PDE8B: variants seen among roughly 807,000 people sequenced by gnomAD.
The protein encoded by PDE8B is phosphodiesterase 8B, also known as high affinity cAMP-specific and IBMX-insensitive 3',5'-cyclic phosphodiesterase 8B.
Under a neutral mutation model 101.3 loss-of-function variants are expected in PDE8B, and 26 were observed. That is an observed-to-expected ratio of 0.26 (90% CI 0.19 to 0.36). The LOEUF (loss-of-function observed/expected upper bound fraction) is 0.36. Among genes scored for constraint, PDE8B ranks in the 10% least tolerant of loss-of-function variants. The pLI is 1.00. For missense variants in PDE8B, 810 were observed against 1,163.1 expected, an observed-to-expected ratio of 0.70 and a Z score of 4.42; for synonymous variants, 424 against 429.3, an observed-to-expected ratio of 0.99 and a Z score of 0.15.
At chr5:77,214,501 G>A (rs1289633017) in intron 1 of PDE8B, among the ~76,000 whole-genome samples, 2 of 152,292 alleles carry the variant, frequency 1.3e-5, no homozygotes, top group African/African-American at 4.8e-5. Context: ...AGCCTAATGA[G>A]GAGGATAAAT....
Position 77,226,596 on chromosome 5 carries a change from C to A in PDE8B, c.339+15332C>A, listed in dbSNP as rs184585787. On this transcript the variant is annotated intron_variant, in intron 1 of 21. Coordinates refer to ENST00000264917, the MANE Select transcript of PDE8B (RefSeq NM_003719.5). ...TATCATACAGTCTAATTTTTTAGTA[C>A]AATAGTGACATAATGTTTTCCAGAA... Among the ~76,000 whole-genome samples, 198 of 152,236 alleles carry A rather than the reference C, an allele frequency of 1.3e-3. 2 individuals carry two copies. The highest frequency in any genetic ancestry group is 4.5e-3 in the African/African-American group (188 of 41,528).
the PDE8B span, among the ~76,000 whole-genome samples, chr5:77,093,274 G>C: frequency 6.6e-6 from 1 of 152,144 alleles, no homozygotes; most frequent in African/African-American, 2.4e-5. Flanking sequence ...TTATATGTCT[G>C]TTCAGATTGT....
At chr5:77,102,246 A>G in the PDE8B span, among the ~76,000 whole-genome samples, 3 of 152,058 alleles carry the variant, frequency 2.0e-5, no homozygotes, top group East Asian at 3.9e-4. Context: ...AAATGGGGTC[A>G]TTTGCACCAG....
At chr5:77,197,097 C>G in the PDE8B span, among the ~76,000 whole-genome samples, 2 of 143,414 alleles carry the variant, frequency 1.4e-5, no homozygotes, top group Admixed American at 1.5e-4. Context: ...TTGTACTGAC[C>G]TTTAAAAAAA....
chr5:77,256,036 A>G (rs1759093696), intron 1 of PDE8B, among the ~76,000 whole-genome samples: 1 of 152,144 alleles, frequency 6.6e-6, no homozygotes, highest in Non-Finnish European at 1.5e-5. Flanking sequence ...GTTGATTTAT[A>G]TGGTTTTGGA....
chr5:77,098,185 C>G, the PDE8B span, among the ~76,000 whole-genome samples: 1 of 151,726 alleles, frequency 6.6e-6, no homozygotes, highest in African/African-American at 2.4e-5. Context: ...CAAATAATGT[C>G]TTCATTTTAT....
At chr5:77,195,317 G>A in the PDE8B span, among the ~76,000 whole-genome samples, 14 of 152,118 alleles carry the variant, frequency 9.2e-5, no homozygotes, top group South Asian at 4.2e-4. Flanking sequence ...TAGGCCCCCC[G>A]CCAATACAGT....
the PDE8B span, among the ~76,000 whole-genome samples, chr5:77,119,872 T>C: frequency 6.6e-6 from 1 of 151,854 alleles, no homozygotes; most frequent in Non-Finnish European, 1.5e-5. Context: ...TAGCCAGGCA[T>C]GGTGGCACAC....
intron 10 of PDE8B, among the ~76,000 whole-genome samples, chr5:77,395,055 G>A (rs1477177497): frequency 6.6e-6 from 1 of 152,118 alleles, no homozygotes; most frequent in Non-Finnish European, 1.5e-5. Context: ...GCTCACCATG[G>A]TCCATCCAGC....
rs955296324 is a variant in PDE8B at position 77,309,943 on chromosome 5, CTT to C, written c.340-2029_340-2028del. Reference sequence around the variant, plus strand: ...CTGGTTTCCCTTTTTAATCATTAATCTTTTTTTTTTTTTTTTTTTTTTTGAGA... The same window carrying C: ...CTGGTTTCCCTTTTTAATCATTAATCTTTTTTTTTTTTTTTTTTTTTGAGA... On this transcript the variant is annotated intron_variant, in intron 1 of 21. Transcript: ENST00000264917. Among the ~76,000 whole-genome samples, 853 of 113,948 alleles carry C rather than the reference CTT, an allele frequency of 7.5e-3. 7 individuals carry two copies. Among genetic ancestry groups the C allele is most frequent in the African/African-American group, 0.025 (752 of 30,212 alleles). The allele number at this position is 113,948 out of a possible 152,430, so 74.8% of individuals were successfully genotyped here.
chr5:77,166,370 T>C, the PDE8B span, among the ~76,000 whole-genome samples: 1 of 152,248 alleles, frequency 6.6e-6, no homozygotes. Context: ...GAGAAGGGCC[T>C]GAGGTCTAGG....
At chr5:77,353,809 T>C (rs1467547809) in intron 10 of PDE8B, among the ~76,000 whole-genome samples, 1 of 152,208 alleles carries the variant, frequency 6.6e-6, no homozygotes, top group South Asian at 2.1e-4. Context: ...TGCAATTTTT[T>C]CTTACCCTTA....
chr5:77,151,418 G>C, the PDE8B span: 1 of 152,306 alleles, frequency 6.6e-6, no homozygotes, highest in East Asian at 1.9e-4. Context: ...TTATACAACT[G>C]ACATTCCCTA....
intron 1 of PDE8B, among the ~76,000 whole-genome samples, chr5:77,273,241 A>G (rs1763141739): frequency 6.6e-6 from 1 of 152,136 alleles, no homozygotes; most frequent in South Asian, 2.1e-4. Context: ...TAATTTTAAC[A>G]TTGTATCGTT....
chr5:77,230,493 ATC>A (rs1753351353), intron 1 of PDE8B, among the ~76,000 whole-genome samples: 1 of 151,914 alleles, frequency 6.6e-6, no homozygotes, highest in Non-Finnish European at 1.5e-5. Context: ...TTGAGATGGA[ATC>A]TCTCTCTCTT....
chr5:77,097,683 TTTTATATATCTATATATATATATCTA>T, the PDE8B span, among the ~76,000 whole-genome samples: 1 of 66,408 alleles, frequency 1.5e-5, no homozygotes, highest in African/African-American at 7.0e-5. Context: ...TTTGTGGAGA[TTTTATATATCTATATATATATATCTA>T]TATATATATA....
At chr5:77,379,135 A>G (rs947413578) in intron 10 of PDE8B, among the ~76,000 whole-genome samples, 2 of 152,248 alleles carry the variant, frequency 1.3e-5, no homozygotes, top group Non-Finnish European at 2.9e-5. Flanking sequence ...ATGTAGAGCC[A>G]GTGGGCACAA....
the PDE8B span, among the ~76,000 whole-genome samples, chr5:77,152,903 A>G: frequency 1.3e-4 from 20 of 152,264 alleles, no homozygotes; most frequent in South Asian, 4.1e-3. Flanking sequence ...TGCATGGAGG[A>G]AGAAGGGAGC....
chr5:77,262,310 C>G (rs1228770702), intron 1 of PDE8B, among the ~76,000 whole-genome samples: 1 of 152,080 alleles, frequency 6.6e-6, no homozygotes, highest in Admixed American at 6.6e-5. Flanking sequence ...CTGACATGTC[C>G]TCTAGTACTA....
Sources: allele counts gnomAD v4.1 joint callset (sites outside exome capture counted in the v4.1 genomes callset), GRCh38; gene constraint gnomAD v4.1.1; transcripts MANE v1.5; gene names NCBI Gene and HGNC (gene_info 2026-07-23, HGNC 2026-07-21).